The following PHACTR1 variants were observed in gnomAD, a reference collection of about 807,000 sequenced individuals.
PHACTR1 encodes the protein phosphatase and actin regulator 1, also known as RPEL repeat containing 1.
PHACTR1 carries 16 observed loss-of-function variants against 69.2 expected under a neutral mutation model. The ratio of observed to expected loss-of-function variants is 0.23; its 90% CI spans 0.16 to 0.35. The LOEUF is 0.35. Ranked by LOEUF, PHACTR1 falls within the 10% of genes least tolerant of loss-of-function variation. The probability of loss-of-function intolerance (pLI) is 1.00; values close to 1 mark genes in which losing one functional copy is unlikely to be tolerated. For missense variants in PHACTR1, 510 were observed against 734.7 expected, an observed-to-expected ratio of 0.69 and a Z score of 3.54; for synonymous variants, 312 against 284.5, an observed-to-expected ratio of 1.10 and a Z score of -0.97.
chr6:12,777,023 T>G (rs141211484), intron 4 of PHACTR1, among the ~76,000 whole-genome samples: 1 of 152,302 alleles, frequency 6.6e-6, no homozygotes, highest in Non-Finnish European at 1.5e-5. Context: ...ATGTTCAAGG[T>G]TAGAAATTTT....
chr6:12,965,530 A>G (rs1793372287), intron 4 of PHACTR1, among the ~76,000 whole-genome samples: 1 of 150,104 alleles, frequency 6.7e-6, no homozygotes, highest in African/African-American at 2.5e-5. Flanking sequence ...GTCATGCTGA[A>G]GTGCGATGCA....
chr6:13,150,456 C>T (rs1478557184), intron 5 of PHACTR1, among the ~76,000 whole-genome samples: 3 of 152,186 alleles, frequency 2.0e-5, no homozygotes, highest in African/African-American at 7.2e-5. Context: ...AACTGGGTTA[C>T]TGGCAAAATG....
At chr6:12,801,872 C>G (rs903455952) in intron 4 of PHACTR1, among the ~76,000 whole-genome samples, 8 of 152,018 alleles carry the variant, frequency 5.3e-5, no homozygotes, top group African/African-American at 1.7e-4. Context: ...CAGCTAATGC[C>G]TTTACTCATA....
chr6:13,172,652 A>C (rs1239441726), intron 6 of PHACTR1, among the ~76,000 whole-genome samples: 1 of 152,200 alleles, frequency 6.6e-6, no homozygotes, highest in Admixed American at 6.5e-5. Context: ...ATTGCATCTC[A>C]CCTATTTAAT....
At chr6:13,085,201 C>T (rs937507241) in intron 5 of PHACTR1, among the ~76,000 whole-genome samples, 4 of 151,726 alleles carry the variant, frequency 2.6e-5, no homozygotes, top group Admixed American at 1.3e-4. Context: ...TTGGAAATCC[C>T]GTTATAATCT....
chr6:13,287,013 C>A (rs773359921), intron 14 of PHACTR1, 50 bp from the exon 15 acceptor site: 1 of 1,595,512 alleles, frequency 6.3e-7, no homozygotes, highest in Non-Finnish European at 8.5e-7. Context: ...CTGTTGAATC[C>A]TGCACCTTTG....
rs184100308 is a variant in PHACTR1 at position 13,149,126 on chromosome 6, C to A, written c.416-11078C>A. ...GCACGGCCCCTGCTGAGCGAGCTGA[C>A]CTCCCTGGTGCCTTTTTACAACAGA... On this transcript the variant is annotated intron_variant, in intron 5 of 14. Coordinates refer to ENST00000332995, the MANE Select transcript of PHACTR1 (RefSeq NM_030948.6). 4.7e-3 allele frequency among the ~76,000 whole-genome samples: 710 copies of A among 152,208 alleles called. 11 individuals are homozygous for A. Among genetic ancestry groups the A allele is most frequent in the African/African-American group, 0.016 (665 of 41,514 alleles).
rs541780959 is a variant in PHACTR1, at chr6:12,730,477, T to TA, written c.103+11644dup. On this transcript the variant is annotated intron_variant, in intron 3 of 14. Coordinates refer to ENST00000332995, the MANE Select transcript of PHACTR1 (RefSeq NM_030948.6). ...GTCATTTAAAAAAACACACGTGATTTAAAAAAAAAAAAAACCTCAATGCAG... is the reference window on the plus strand; with the variant it reads ...GTCATTTAAAAAAACACACGTGATTTAAAAAAAAAAAAAAACCTCAATGCAG... Among the ~76,000 whole-genome samples the TA allele has an allele frequency of 2.1e-3, 305 of 142,166 alleles. 3 individuals carry two copies. Among genetic ancestry groups the TA allele is most frequent in the East Asian group, 2.9e-3 (14 of 4,904 alleles). 93.3% of individuals were successfully genotyped at this position (142,166 alleles called of 152,430 possible). A position where few individuals can be genotyped will look rare whatever the true frequency, so the allele number is the denominator to read the frequency against.
At chr6:13,147,026 C>T (rs1372315120) in intron 5 of PHACTR1, among the ~76,000 whole-genome samples, 1 of 152,212 alleles carries the variant, frequency 6.6e-6, no homozygotes, top group Admixed American at 6.5e-5. Flanking sequence ...TCTTTCACTG[C>T]AGGGTCACCT....
chr6:12,914,669 G>C (rs941778066), intron 4 of PHACTR1, among the ~76,000 whole-genome samples: 1 of 151,992 alleles, frequency 6.6e-6, no homozygotes, highest in African/African-American at 2.4e-5. Flanking sequence ...CCACTCAGTT[G>C]CTCTCTCAGG....
Position 13,227,872 on chromosome 6 carries a change from G to C in PHACTR1, c.1043G>C (p.Gly348Ala), listed in dbSNP as rs1267979162. The part of the protein sequence containing the change: ...TSYHSSGLHS[G>A]DGVTKAGPMG... Reference sequence around the variant, plus strand: ...TACCACAGCTCTGGGTTGCACTCGGGTGATGGGGTCACCAAAGCAGGACCT... The same window carrying C: ...TACCACAGCTCTGGGTTGCACTCGGCTGATGGGGTCACCAAAGCAGGACCT... The change falls in exon 9 of 15, where the codon GGT becomes GCT. Residue 348 changes from glycine to alanine, a missense_variant. Gly to Ala is a moderately conservative substitution (Grantham distance 60). Around this residue, in one of 2 missense-constraint regions of PHACTR1, gnomAD observed 419 missense variants for 530.9 expected, o/e 0.79. Coordinates refer to ENST00000332995, the MANE Select transcript of PHACTR1 (RefSeq NM_030948.6). 1 of 1,614,000 alleles carries C rather than the reference G, an allele frequency of 6.2e-7. No homozygotes were observed.
intron 4 of PHACTR1, among the ~76,000 whole-genome samples, chr6:12,948,783 T>C (rs533521719): frequency 7.2e-5 from 11 of 152,350 alleles, no homozygotes; most frequent in Middle Eastern, 6.8e-3. Flanking sequence ...ATGCACTTAC[T>C]CAAAGTTGCT....
At chr6:12,882,995 T>C (rs889719458) in intron 4 of PHACTR1, among the ~76,000 whole-genome samples, 4 of 152,148 alleles carry the variant, frequency 2.6e-5, no homozygotes, top group African/African-American at 9.7e-5. Flanking sequence ...GAGGAGGTGT[T>C]AGGCCAGCAG....
intron 4 of PHACTR1, among the ~76,000 whole-genome samples, chr6:12,787,635 G>A (rs2127655144): frequency 6.6e-6 from 1 of 152,316 alleles, no homozygotes; most frequent in East Asian, 1.9e-4. Context: ...TTGAGCTCCT[G>A]CTCTTGGAGG....
chr6:12,791,967 A>G (rs1230055990), intron 4 of PHACTR1, among the ~76,000 whole-genome samples: 1 of 152,210 alleles, frequency 6.6e-6, no homozygotes, highest in Non-Finnish European at 1.5e-5. Context: ...AGAGGGATAT[A>G]AAGTAATGGG....
At chr6:13,087,285 T>C (rs990761628) in intron 5 of PHACTR1, among the ~76,000 whole-genome samples, 12 of 151,188 alleles carry the variant, frequency 7.9e-5, no homozygotes, top group Non-Finnish European at 1.8e-4. Context: ...TAGGTGGTGA[T>C]GATTTAACCA....
chr6:13,203,429 A>G (rs1765495304), intron 7 of PHACTR1, among the ~76,000 whole-genome samples: 1 of 152,210 alleles, frequency 6.6e-6, no homozygotes, highest in Non-Finnish European at 1.5e-5. Flanking sequence ...TAAGGATTAA[A>G]CCGGTTAGAA....
At chr6:13,256,935 A>G (rs183853334) in intron 10 of PHACTR1, among the ~76,000 whole-genome samples, 351 of 152,270 alleles carry the variant, frequency 2.3e-3, no homozygotes, top group African/African-American at 7.6e-3. Flanking sequence ...ACTTCCACAT[A>G]TCCAGGTATC....
intron 4 of PHACTR1, among the ~76,000 whole-genome samples, chr6:12,798,265 A>G (rs1275390441): frequency 6.6e-6 from 1 of 152,184 alleles, no homozygotes; most frequent in Non-Finnish European, 1.5e-5. Flanking sequence ...CTGGAGGTTG[A>G]GTGGATATTT....
Sources: allele counts gnomAD v4.1 joint callset (sites outside exome capture counted in the v4.1 genomes callset), GRCh38; gene constraint gnomAD v4.1.1; regional missense constraint gnomAD v4.1.1; transcripts MANE v1.5; gene names NCBI Gene and HGNC (gene_info 2026-07-23, HGNC 2026-07-21).